The following PEAK1 variants were observed in gnomAD, a reference collection of about 807,000 sequenced individuals.
The protein encoded by PEAK1 is inactive tyrosine-protein kinase PEAK1.
A neutral mutation model predicts 124.7 loss-of-function variants in PEAK1; 54 were observed. That is an observed-to-expected ratio of 0.43 (90% CI 0.35 to 0.54). The LOEUF (loss-of-function observed/expected upper bound fraction) is 0.54. PEAK1 is among the 20% of genes least tolerant of loss of function. The probability of loss-of-function intolerance (pLI) is 0.01; values close to 1 mark genes in which losing one functional copy is unlikely to be tolerated. For missense variants in PEAK1, 2,046 were observed against 2,134.5 expected (o/e 0.96, Z 0.82); for synonymous variants, 719 against 760.0 (o/e 0.95, Z 0.89).
rs1033595823 is a variant in PEAK1 at position 77,113,764 on chromosome 15, A to G, written c.*392T>C. 1 of 210,996 alleles carries G rather than the reference A, an allele frequency of 4.7e-6. No homozygotes were observed. Among genetic ancestry groups the G allele is most frequent in the Non-Finnish European group, 9.6e-6 (1 of 104,156 alleles). 13.1% of individuals were successfully genotyped at this position (210,996 alleles called of 1,614,324 possible). A position where few individuals can be genotyped will look rare whatever the true frequency, so the allele number is the denominator to read the frequency against. On this transcript the variant is annotated 3_prime_UTR_variant, in exon 10 of 10. Transcript: ENST00000682557. The stretch of plus-strand genomic sequence containing the variant: ...AAGTCTGTCTACTGCTAGTGAGAAT[A>G]AATACTTGGTGCTAAAAAGATAGGT...
intron 7 of PEAK1, among the ~76,000 whole-genome samples, chr15:77,172,704 C>T (rs576713959): frequency 2.5e-4 from 38 of 152,224 alleles, no homozygotes; most frequent in South Asian, 1.2e-3. Flanking sequence ...CATTTAATTA[C>T]GCAGAATTTT....
intron 1 of PEAK1, among the ~76,000 whole-genome samples, chr15:77,405,022 T>G (rs1275243110): frequency 6.6e-6 from 1 of 151,864 alleles, no homozygotes; most frequent in Non-Finnish European, 1.5e-5. Flanking sequence ...TTTTTTTTTT[T>G]TTGAGACAGA....
At chr15:77,291,348 GCA>G (rs1292106804) in intron 2 of PEAK1, among the ~76,000 whole-genome samples, 1 of 152,096 alleles carries the variant, frequency 6.6e-6, no homozygotes, top group East Asian at 1.9e-4. Flanking sequence ...AGATATAAAT[GCA>G]CACACACACT....
intron 9 of PEAK1, among the ~76,000 whole-genome samples, chr15:77,120,366 AT>A (rs2051803801): frequency 6.6e-6 from 1 of 152,142 alleles, no homozygotes; most frequent in Admixed American, 6.5e-5. Context: ...TAACCCATAG[AT>A]TACTTAAACT....
At chr15:77,132,357 T>G (rs1262944559) in intron 9 of PEAK1, among the ~76,000 whole-genome samples, 2 of 151,780 alleles carry the variant, frequency 1.3e-5, no homozygotes, top group Non-Finnish European at 2.9e-5. Flanking sequence ...AGTGCTGGGA[T>G]TATAGCCATG....
In PEAK1 at chr15:77,283,870, G is replaced by T. The variant is rs1461557200; in HGVS notation, c.-275+13C>A. 2.1e-6 allele frequency: 2 copies of T among 973,654 alleles called. No homozygotes were observed. The highest frequency in any genetic ancestry group is 2.4e-6 in the Non-Finnish European group (2 of 819,390). 60.3% of individuals were successfully genotyped at this position (973,654 alleles called of 1,614,324 possible). A position where few individuals can be genotyped will look rare whatever the true frequency, so the allele number is the denominator to read the frequency against. On this transcript the variant is annotated intron_variant, in intron 5 of 9. Coordinates refer to ENST00000682557, the MANE Select transcript of PEAK1 (RefSeq NM_001385026.1). ...AATCAACTCATAGACCTTATTACTT[G>T]CCACTTCCTTACCTCTTTGTTACTG...
chr15:77,190,816 G>A (rs1418075659), intron 6 of PEAK1, among the ~76,000 whole-genome samples: 2 of 152,148 alleles, frequency 1.3e-5, no homozygotes, highest in African/African-American at 4.8e-5. Context: ...AATGAAAACT[G>A]CAAAGAAAAC....
intron 5 of PEAK1, among the ~76,000 whole-genome samples, chr15:77,265,218 C>A (rs2061657928): frequency 6.6e-6 from 1 of 152,128 alleles, no homozygotes. Context: ...GTCTAAAACA[C>A]CAAAAGCAAT....
chr15:77,132,304 C>T (rs2052933236), intron 9 of PEAK1, among the ~76,000 whole-genome samples: 3 of 151,472 alleles, frequency 2.0e-5, no homozygotes, highest in Admixed American at 6.6e-5. Context: ...AGGCTGGTCT[C>T]GAACTCCTGG....
Position 77,358,719 on chromosome 15 carries a change from C to G in PEAK1, c.-603+6444G>C, listed in dbSNP as rs909995414. Among the ~76,000 whole-genome samples, 63 of 152,184 alleles carry G rather than the reference C, an allele frequency of 4.1e-4. 2 individuals carry two copies. The highest frequency in any genetic ancestry group is 3.9e-3 in the Admixed American group (60 of 15,284). Reference sequence around the variant, plus strand: ...GAAAAAGTACAAAGTGCAGTGATAGCTTAGCAATCAACTTTATATGGGGAA... The same window carrying G: ...GAAAAAGTACAAAGTGCAGTGATAGGTTAGCAATCAACTTTATATGGGGAA... On this transcript the variant is annotated intron_variant, in intron 2 of 9. Coordinates refer to ENST00000682557, the MANE Select transcript of PEAK1 (RefSeq NM_001385026.1).
At chr15:77,354,214 T>C (rs1191190344) in intron 2 of PEAK1, among the ~76,000 whole-genome samples, 1 of 152,220 alleles carries the variant, frequency 6.6e-6, no homozygotes, top group Non-Finnish European at 1.5e-5. Context: ...GTTCCTTCTA[T>C]ACCTGAATAC....
intron 1 of PEAK1, chr15:77,417,184 G>T: frequency 4.6e-6 from 1 of 219,778 alleles, no homozygotes. Context: ...TATAATTATT[G>T]GTTATCACCT....
intron 8 of PEAK1, among the ~76,000 whole-genome samples, chr15:77,137,565 G>T (rs114716610): frequency 0.014 from 2,066 of 152,310 alleles, 34 homozygotes; most frequent in African/African-American, 0.043. Context: ...TCGGACTTGT[G>T]TGGGGCCTGT....
intron 1 of PEAK1, among the ~76,000 whole-genome samples, chr15:77,407,926 TATATACACACATATATACAC>T (rs1291899544): frequency 6.7e-6 from 1 of 148,368 alleles, no homozygotes; most frequent in East Asian, 2.0e-4. Flanking sequence ...CATATATACA[TATATACACACATATATACAC>T]ATATACACAC....
intron 2 of PEAK1, among the ~76,000 whole-genome samples, chr15:77,303,655 T>C (rs1013310531): frequency 1.3e-5 from 2 of 152,220 alleles, no homozygotes; most frequent in African/African-American, 4.8e-5. Flanking sequence ...AAGTGTTATA[T>C]AAGTGTTTTA....
intron 6 of PEAK1, among the ~76,000 whole-genome samples, chr15:77,191,866 T>A (rs2057849776): frequency 6.6e-6 from 1 of 152,118 alleles, no homozygotes; most frequent in Non-Finnish European, 1.5e-5. Context: ...TGTGAGAGGC[T>A]AAATTGATAA....
At chr15:77,350,734 T>C in intron 2 of PEAK1, 3 of 985,274 alleles carry the variant, frequency 3.0e-6, no homozygotes, top group Non-Finnish European at 3.6e-6. Context: ...AGAATGATCA[T>C]GCTGAAGCAC....
intron 6 of PEAK1, among the ~76,000 whole-genome samples, chr15:77,236,249 C>T (rs1003450817): frequency 2.0e-5 from 3 of 152,148 alleles, no homozygotes; most frequent in Non-Finnish European, 4.4e-5. Flanking sequence ...CAGTGCCAGC[C>T]TGTGAAAGCA....
chr15:77,114,803 T>C lies in PEAK1; in HGVS notation c.4594A>G (p.Thr1532Ala). 1 of 1,612,750 alleles carries C rather than the reference T, an allele frequency of 6.2e-7. No homozygotes were observed. The highest frequency in any genetic ancestry group is 8.5e-7 in the Non-Finnish European group (1 of 1,179,868). The change falls in exon 10 of 10, where the codon ACT becomes GCT. Residue 1532 changes from threonine (T) to alanine (A), a missense_variant. Coordinates refer to ENST00000682557, the MANE Select transcript of PEAK1 (RefSeq NM_001385026.1). ...TCTGCAGGCCCAAAGCCTTGGGCAG[T>C]CCCCCCAGGCTGGTAGTGGACAAGT... ...LLLVHYQPGGTAQGFGPAEPS... is the reference protein window; with the variant it reads ...LLLVHYQPGGAAQGFGPAEPS...
Sources: gnomAD v4.1 joint callset for allele counts (sites outside exome capture counted in the v4.1 genomes callset) on GRCh38, gnomAD v4.1.1 for gene constraint, MANE v1.5 for transcripts, NCBI Gene and HGNC (gene_info 2026-07-23, HGNC 2026-07-21) for gene names.